Variants in REV3L observed in about 807,000 individuals in gnomAD.
The protein encoded by REV3L is REV3 like, DNA directed polymerase zeta catalytic subunit.
Under a neutral mutation model 299.4 loss-of-function variants are expected in REV3L, and 69 were observed. The ratio of observed to expected loss-of-function variants is 0.23; its 90% CI spans 0.19 to 0.28. The LOEUF (loss-of-function observed/expected upper bound fraction) is 0.28. Among genes scored for constraint, REV3L ranks in the 10% least tolerant of loss-of-function variants. The pLI is 1.00. For missense variants in REV3L, 3,128 were observed against 3,693.8 expected (o/e 0.85, Z 3.97); for synonymous variants, 1,238 against 1,271.4 (o/e 0.97, Z 0.56).
At chr6:111,432,048 C>T (rs1442781577) in intron 1 of REV3L, among the ~76,000 whole-genome samples, 1 of 151,898 alleles carries the variant, frequency 6.6e-6, no homozygotes, top group Admixed American at 6.6e-5. Context: ...AATGCAAAAA[C>T]CTATAACAGA....
chr6:111,431,697 C>A, intron 1 of REV3L: 1 of 959,212 alleles, frequency 1.0e-6, no homozygotes, highest in Admixed American at 1.8e-5. Context: ...CTTCCCCCGT[C>A]ATGGAAAACA....
chr6:111,365,657 A>G (rs1779109454), intron 14 of REV3L, among the ~76,000 whole-genome samples: 1 of 152,142 alleles, frequency 6.6e-6, no homozygotes, highest in African/African-American at 2.4e-5. Flanking sequence ...AAAAGACATA[A>G]TCTCTGCCCT....
intron 1 of REV3L, among the ~76,000 whole-genome samples, chr6:111,466,275 T>C (rs952576361): frequency 1.3e-5 from 2 of 152,194 alleles, no homozygotes; most frequent in African/African-American, 4.8e-5. Flanking sequence ...GAAGCTGGGA[T>C]GTGCCAAACA....
intron 18 of REV3L, among the ~76,000 whole-genome samples, chr6:111,352,562 T>C (rs2114951771): frequency 6.6e-6 from 1 of 152,326 alleles, no homozygotes; most frequent in South Asian, 2.1e-4. Flanking sequence ...ACAGTTTTAA[T>C]GCTGAGAAAG....
chr6:111,481,455 T>G (rs1358287498), intron 1 of REV3L, among the ~76,000 whole-genome samples: 1 of 152,240 alleles, frequency 6.6e-6, no homozygotes, highest in Non-Finnish European at 1.5e-5. Context: ...AAAATCATAT[T>G]CACTAGTTTA....
At chr6:111,425,189 T>C (rs755278791) in intron 1 of REV3L, among the ~76,000 whole-genome samples, 1 of 152,190 alleles carries the variant, frequency 6.6e-6, no homozygotes, top group African/African-American at 2.4e-5. Flanking sequence ...CCGGGCGCGG[T>C]GGCTCATGCC....
At chr6:111,419,085 A>G (rs1785051575) in intron 1 of REV3L, among the ~76,000 whole-genome samples, 1 of 152,168 alleles carries the variant, frequency 6.6e-6, no homozygotes, top group Non-Finnish European at 1.5e-5. Flanking sequence ...GCACTTTCCT[A>G]CCCTGAATGA....
intron 13 of REV3L, among the ~76,000 whole-genome samples, chr6:111,370,025 G>A (rs1174358313): frequency 6.6e-6 from 1 of 152,032 alleles, no homozygotes; most frequent in African/African-American, 2.4e-5. Context: ...TAGAGATGGG[G>A]TTTCACCATG....
Position 111,373,998 on chromosome 6 carries a change from G to T in REV3L, c.4357C>A (p.Gln1453Lys), listed in dbSNP as rs1284875234. The T allele has an allele frequency of 6.2e-7, 1 of 1,613,958 alleles. No individual in the cohort carries two copies. The highest frequency in any genetic ancestry group is 2.2e-5 in the East Asian group (1 of 44,886). The change falls in exon 13 of 32, where the codon CAA becomes AAA. Residue 1453 changes from glutamine to lysine, a missense_variant. Transcript: ENST00000368802. ...GTTACAAAGCAATTATTAGGCATTT[G>T]GCTTTCCTCTGAAGCTGTATTTCCC... ...SPGNTASEESQMPNNCFVTSL... is the reference protein window; with the variant it reads ...SPGNTASEESKMPNNCFVTSL...
At chr6:111,305,241 C>G (rs540969226) in intron 31 of REV3L, among the ~76,000 whole-genome samples, 4 of 152,048 alleles carry the variant, frequency 2.6e-5, no homozygotes, top group African/African-American at 9.7e-5. Context: ...CACGCCCGGC[C>G]GATTTTATTC....
chr6:111,418,344 A>AATTGG (rs1456875857), intron 1 of REV3L, among the ~76,000 whole-genome samples: 2 of 152,238 alleles, frequency 1.3e-5, no homozygotes, highest in East Asian at 3.8e-4. Flanking sequence ...ACAATTACAA[A>AATTGG]ATTGGACTGT....
intron 2 of REV3L, among the ~76,000 whole-genome samples, chr6:111,415,884 G>A (rs772867268): frequency 3.3e-5 from 5 of 151,986 alleles, no homozygotes; most frequent in Non-Finnish European, 5.9e-5. Flanking sequence ...ATTTAATGTT[G>A]TATTTATTGG....
chr6:111,372,900 T>G lies in REV3L; in HGVS notation c.5455A>C (p.Thr1819Pro), dbSNP rs760123918. 1 of 1,614,010 alleles carries G rather than the reference T, an allele frequency of 6.2e-7. No homozygotes were observed. The highest frequency in any genetic ancestry group is 1.1e-5 in the South Asian group (1 of 91,088). ...CCATCAGGGGAGGAGAGTATTGCAG[T>G]AAAAGAGGTATTGGCTGAGTCAAGA... Reference protein sequence around the residue: ...QSLDSANTSFTAILSSPDGEL... With the variant: ...QSLDSANTSFPAILSSPDGEL... The change falls in exon 13 of 32, where the codon ACT becomes CCT. Residue 1819 changes from threonine to proline, a missense_variant. Transcript: ENST00000368802.
chr6:111,380,150 T>TC lies in REV3L; in HGVS notation c.1285dup (p.Glu429GlyfsTer4). ...ACATGGTGATGGCATCCTATTTCTT[T>TC]CCCCCCGATATCCATCACTTTCCAA... On this transcript the variant is annotated frameshift_variant, in exon 11 of 32. Transcript: ENST00000368802. LOFTEE classifies it high-confidence loss of function. The TC allele has an allele frequency of 1.2e-6, 2 of 1,613,708 alleles. No individual in the cohort carries two copies. Among genetic ancestry groups the TC allele is most frequent in the Non-Finnish European group, 8.5e-7 (1 of 1,179,882 alleles).
At chr6:111,383,037 G>T (rs1391984912) in intron 9 of REV3L, among the ~76,000 whole-genome samples, 1 of 152,164 alleles carries the variant, frequency 6.6e-6, no homozygotes, top group African/African-American at 2.4e-5. Flanking sequence ...CTCAGACCTG[G>T]CAGGGTTCAT....
intron 26 of REV3L, among the ~76,000 whole-genome samples, chr6:111,321,961 C>CA (rs17540117): frequency 0.78 from 118,181 of 152,112 alleles, 46,143 homozygotes; most frequent in Non-Finnish European, 0.82. Flanking sequence ...TCACAGCAAG[C>CA]AGGAAGCATG....
chr6:111,472,942 C>T (rs1792426269), intron 1 of REV3L, among the ~76,000 whole-genome samples: 1 of 152,134 alleles, frequency 6.6e-6, no homozygotes, highest in South Asian at 2.1e-4. Context: ...TTTCTAATTG[C>T]CTAAGACACT....
Position 111,416,336 on chromosome 6 carries a change from G to A in REV3L, c.276C>T (p.Gly92=), listed in dbSNP as rs1273477821. The part of the protein sequence containing the change: ...SIDRALNVAL[G]NPSSTAQHVF... ...CATGCTGAGCAGTGGAAGATGGATT[G>A]CCTAAAGCCACATTAAGTGCTCTGT... The change falls in exon 2 of 32, where the codon GGC becomes GGT. Residue 92 remains glycine (G), a synonymous_variant. Transcript: ENST00000368802. 1 of 1,613,816 alleles carries A rather than the reference G, an allele frequency of 6.2e-7. No homozygotes were observed. Among genetic ancestry groups the A allele is most frequent in the Admixed American group, 1.7e-5 (1 of 59,994 alleles).
At chr6:111,369,524 C>G (rs1779570796) in intron 13 of REV3L, among the ~76,000 whole-genome samples, 1 of 151,874 alleles carries the variant, frequency 6.6e-6, no homozygotes, top group South Asian at 2.1e-4. Flanking sequence ...TACATAATAT[C>G]TATAGTGGCA....
Sources: allele counts gnomAD v4.1 joint callset (sites outside exome capture counted in the v4.1 genomes callset), GRCh38; gene constraint gnomAD v4.1.1; transcripts MANE v1.5; gene names NCBI Gene and HGNC (gene_info 2026-07-23, HGNC 2026-07-21).